NTNG2: variants seen among roughly 807,000 people sequenced by gnomAD.
NTNG2 encodes netrin G2, also known as netrin-G2.
Under a neutral mutation model 47.6 loss-of-function variants are expected in NTNG2, and 15 were observed. The ratio of observed to expected loss-of-function variants is 0.32; its 90% confidence interval spans 0.21 to 0.49. The LOEUF (loss-of-function observed/expected upper bound fraction) is 0.49, where lower values mean the gene tolerates loss of function less well. Ranked by LOEUF, NTNG2 falls within the 20% of genes least tolerant of loss-of-function variation. NTNG2 has a pLI of 0.99. For missense variants in NTNG2, 578 were observed against 764.6 expected, an observed-to-expected ratio of 0.76 and a Z score of 2.88; for synonymous variants, 307 against 324.6, an observed-to-expected ratio of 0.95 and a Z score of 0.58.
chr9:132,169,117 C>T (rs894030390), intron 2 of NTNG2, among the ~76,000 whole-genome samples: 1 of 152,352 alleles, frequency 6.6e-6, no homozygotes, highest in Non-Finnish European at 1.5e-5. Context: ...TCTCCCATCC[C>T]CATCCCCTGC....
rs776146430 is a variant in NTNG2, at chr9:132,197,922, G to GCCATCCCA, written c.214-44_214-43insCCATCCCA. 6.4e-7 allele frequency: 1 copy of GCCATCCCA among 1,558,192 alleles called. No homozygotes were observed. Among genetic ancestry groups the GCCATCCCA allele is most frequent in the Non-Finnish European group, 8.7e-7 (1 of 1,150,682 alleles). Reference sequence around the variant, plus strand: ...GCGCAGAGGCTTCCCAGGCCATCCCGAGCATCCAGCACCCACCCTTCCCTT... The same window carrying GCCATCCCA: ...GCGCAGAGGCTTCCCAGGCCATCCCGCCATCCCAAGCATCCAGCACCCACCCTTCCCTT... On this transcript the variant is annotated intron_variant, in intron 2 of 7. Transcript: ENST00000393229. This position sits in a 1 kb window ranked among gnomAD's most constrained non-coding sequence, Gnocchi z 4.3.
chr9:132,188,713 T>C (rs1438737314), intron 2 of NTNG2, among the ~76,000 whole-genome samples: 1 of 152,000 alleles, frequency 6.6e-6, no homozygotes, highest in Non-Finnish European at 1.5e-5. Flanking sequence ...CCTTCACCCA[T>C]GAGCTGGCAC....
At position 132,231,614 on chromosome 9, in the gene NTNG2, C is replaced by A. The variant is rs1841233151; in HGVS notation, c.1054+1019C>A. 6.8e-6 allele frequency: 2 copies of A among 294,878 alleles called. No individual in the cohort carries two copies. The highest frequency in any genetic ancestry group is 4.9e-5 in the Admixed American group (1 of 20,250). The allele number at this position is 294,878 out of a possible 1,614,324, so 18.3% of individuals were successfully genotyped here. A position where few individuals can be genotyped will look rare whatever the true frequency, so the allele number is the denominator to read the frequency against. On this transcript the variant is annotated intron_variant, in intron 5 of 7. Transcript: ENST00000393229. The surrounding 1 kb of genome is among the most constrained non-coding windows in gnomAD (Gnocchi z 4.1). ...GTCCCCACCCCGGCAACCCCCCAAC[C>A]CTCTCTTGCTTTTCCCATCTCTCAC...
chr9:132,240,917 C>T lies in NTNG2; in HGVS notation c.1230C>T (p.Asn410=). The change falls in exon 7 of 8, where the codon AAC becomes AAT. Residue 410 remains asparagine (N), a synonymous_variant. Coordinates refer to ENST00000393229, the MANE Select transcript of NTNG2 (RefSeq NM_032536.4). Reference sequence around the variant, plus strand: ...GTGCCCGTGTCCGTCCAGAGTGTAACTGCAACCAGATAGGCTCCGTGCACG... The same window carrying T: ...GTGCCCGTGTCCGTCCAGAGTGTAATTGCAACCAGATAGGCTCCGTGCACG... The part of the protein sequence containing the change: ...LDDENVCIEC[N]CNQIGSVHDR... 6.2e-7 allele frequency: 1 copy of T among 1,612,918 alleles called. No individual in the cohort carries two copies. Among genetic ancestry groups the T allele is most frequent in the Non-Finnish European group, 8.5e-7 (1 of 1,179,846 alleles).
At chr9:132,216,414 C>CTCTCTCTCTCTCTCTCTCTG (rs1554790515) in intron 3 of NTNG2, among the ~76,000 whole-genome samples, 1 of 110,286 alleles carries the variant, frequency 9.1e-6, no homozygotes, top group Non-Finnish European at 1.7e-5. Context: ...CTCTCTCTCT[C>CTCTCTCTCTCTCTCTCTCTG]TGTGTGTGTG....
chr9:132,174,097 G>A (rs796390901), intron 2 of NTNG2, among the ~76,000 whole-genome samples: 41 of 139,034 alleles, frequency 2.9e-4, no homozygotes, highest in Admixed American at 1.2e-3. Context: ...TAGGCAGGCC[G>A]CACCATGCTG....
chr9:132,204,040 G>A (rs190237765), intron 3 of NTNG2, among the ~76,000 whole-genome samples: 7 of 152,350 alleles, frequency 4.6e-5, no homozygotes, highest in Admixed American at 3.9e-4. Flanking sequence ...AGGAATAAAT[G>A]TGGATTAAGG....
chr9:132,231,350 A>G lies in NTNG2; in HGVS notation c.1054+755A>G, dbSNP rs1477235362. ...CATCTGCTCTGCGAGGCAGCAGGAG[A>G]GGACTGGCCAATGTCAAAGAGCCAG... On this transcript the variant is annotated intron_variant, in intron 5 of 7. Transcript: ENST00000393229. This position sits in a 1 kb window ranked among gnomAD's most constrained non-coding sequence, Gnocchi z 4.1. The G allele has an allele frequency of 8.8e-6, 4 of 456,104 alleles. No individual in the cohort carries two copies. Among genetic ancestry groups the G allele is most frequent in the Non-Finnish European group, 1.8e-5 (4 of 226,740 alleles). The allele number at this position is 456,104 out of a possible 1,614,324, so 28.3% of individuals were successfully genotyped here.
At chr9:132,230,701 G>A in intron 5 of NTNG2, 106 bp downstream of exon 5, 1 of 1,227,654 alleles carries the variant, frequency 8.1e-7, no homozygotes, top group Admixed American at 2.0e-5. Flanking sequence ...GTCCCCTCTG[G>A]GACTTGGGCC....
At chr9:132,241,158 A>C (rs915948781) in intron 7 of NTNG2, 114 bp downstream of exon 7, 1 of 1,042,760 alleles carries the variant, frequency 9.6e-7, no homozygotes, top group Non-Finnish European at 1.3e-6. Flanking sequence ...GGGCCTAGCA[A>C]GACGGGGCAG....
At chr9:132,230,747 TCTC>T (rs1841145742) in intron 5 of NTNG2, 152 bp downstream of exon 5, 1 of 708,590 alleles carries the variant, frequency 1.4e-6, no homozygotes. Flanking sequence ...CCCATCTGCT[TCTC>T]CACCTCTCCC....
intron 5 of NTNG2, among the ~76,000 whole-genome samples, chr9:132,234,569 C>T (rs1411145290): frequency 6.6e-6 from 1 of 152,244 alleles, no homozygotes; most frequent in African/African-American, 2.4e-5. Flanking sequence ...TGAACAGAGT[C>T]CAGCTGGGCC....
chr9:132,217,005 G>A (rs867099940), intron 3 of NTNG2, among the ~76,000 whole-genome samples: 5 of 152,292 alleles, frequency 3.3e-5, no homozygotes, highest in South Asian at 2.1e-4. Flanking sequence ...GAATGGACGC[G>A]AAGCCAGCAC....
chr9:132,231,708 A>G lies in NTNG2; in HGVS notation c.1054+1113A>G, dbSNP rs1192182558. On this transcript the variant is annotated intron_variant, in intron 5 of 7. Coordinates refer to ENST00000393229, the MANE Select transcript of NTNG2 (RefSeq NM_032536.4). This position sits in a 1 kb window ranked among gnomAD's most constrained non-coding sequence, Gnocchi z 4.1. ...TGTGGCCACTGCGGCCACCACAGCC[A>G]TGACAGGGGCCCCTACTACTCCTGT... is the stretch of plus-strand genomic sequence containing the variant. The G allele has an allele frequency of 1.3e-5, 3 of 229,094 alleles. No individual in the cohort carries two copies. The highest frequency in any genetic ancestry group is 4.7e-5 in the African/African-American group (2 of 42,214). The allele number at this position is 229,094 out of a possible 1,614,324, so 14.2% of individuals were successfully genotyped here. A position where few individuals can be genotyped will look rare whatever the true frequency, so the allele number is the denominator to read the frequency against.
chr9:132,178,823 G>T (rs1191469548), intron 2 of NTNG2, among the ~76,000 whole-genome samples: 1 of 151,380 alleles, frequency 6.6e-6, no homozygotes, highest in Non-Finnish European at 1.5e-5. Context: ...GGGTGTGGTG[G>T]TGCACACCTG....
chr9:132,228,310 G>A lies in NTNG2; in HGVS notation c.1030+1289G>A, dbSNP rs529580468. On this transcript the variant is annotated intron_variant, in intron 4 of 7. Transcript: ENST00000393229. ...GGCCTTTGAAGGGGTGACTTGGCAG[G>A]CACCCGACAGCACTCTCGGGTCTTC... is the stretch of plus-strand genomic sequence containing the variant. Among the ~76,000 whole-genome samples, 6 of 152,338 alleles carry A rather than the reference G, an allele frequency of 3.9e-5. No individual in the cohort carries two copies. The South Asian group carries it at 1.2e-3, about 32-fold the overall frequency.
chr9:132,192,816 C>T (rs1451280007), intron 2 of NTNG2, among the ~76,000 whole-genome samples: 3 of 152,180 alleles, frequency 2.0e-5, no homozygotes, highest in East Asian at 3.9e-4. Context: ...GTGTTGGCCG[C>T]GGCTCGGGAT....
intron 2 of NTNG2, among the ~76,000 whole-genome samples, chr9:132,181,860 G>A (rs935457380): frequency 2.6e-5 from 4 of 152,222 alleles, no homozygotes; most frequent in Admixed American, 2.6e-4. Context: ...CTCCAGCCTG[G>A]GCCGCCCGGC....
At chr9:132,239,735 T>A (rs932601673) in intron 6 of NTNG2, among the ~76,000 whole-genome samples, 1 of 152,258 alleles carries the variant, frequency 6.6e-6, no homozygotes, top group East Asian at 1.9e-4. Context: ...AAAGATCGCC[T>A]TGCTGCGTGC....
Sources: allele counts gnomAD v4.1 joint callset (sites outside exome capture counted in the v4.1 genomes callset), GRCh38; gene constraint gnomAD v4.1.1; non-coding constraint Gnocchi (gnomAD v3.1); transcripts MANE v1.5; gene names NCBI Gene and HGNC (gene_info 2026-07-23, HGNC 2026-07-21).